The following PACRG variants were observed in gnomAD, a reference collection of about 807,000 sequenced individuals.
PACRG encodes the protein parkin coregulated gene protein.
A neutral mutation model predicts 29.7 loss-of-function variants in PACRG; 29 were observed. The observed-to-expected ratio is 0.98, with a 90% confidence interval of 0.73 to 1.33. The LOEUF (loss-of-function observed/expected upper bound fraction) is 1.33. Ranked by LOEUF, PACRG falls within the 40% of genes most tolerant of loss-of-function variation. The pLI is 0.00. For synonymous variants in PACRG, 116 were observed against 118.7 expected, an observed-to-expected ratio of 0.98 and a Z score of 0.15; for missense variants, 279 against 316.2, an observed-to-expected ratio of 0.88 and a Z score of 0.89.
At chr6:162,829,498 A>C (rs1179740316) in intron 2 of PACRG, among the ~76,000 whole-genome samples, 1 of 152,250 alleles carries the variant, frequency 6.6e-6, no homozygotes, top group Non-Finnish European at 1.5e-5. Context: ...TATTAAGTGC[A>C]GTGAAAATCA....
chr6:163,093,279 A>C (rs1814282656), intron 4 of PACRG, among the ~76,000 whole-genome samples: 1 of 152,238 alleles, frequency 6.6e-6, no homozygotes, highest in African/African-American at 2.4e-5. Flanking sequence ...CATTCTAAAC[A>C]GTGAATTTTG....
At chr6:163,235,953 G>GT (rs1782220762) in intron 4 of PACRG, among the ~76,000 whole-genome samples, 1 of 151,642 alleles carries the variant, frequency 6.6e-6, no homozygotes, top group Non-Finnish European at 1.5e-5. Flanking sequence ...GTTTGTTTTT[G>GT]TTTTTTTAAA....
chr6:163,228,762 T>C (rs955441327), intron 4 of PACRG, among the ~76,000 whole-genome samples: 7 of 152,206 alleles, frequency 4.6e-5, no homozygotes. Context: ...GGAGTGATTC[T>C]CTAGCACAGT....
chr6:162,913,851 G>T (rs547891369), intron 2 of PACRG, among the ~76,000 whole-genome samples: 2 of 152,070 alleles, frequency 1.3e-5, no homozygotes, highest in Non-Finnish European at 2.9e-5. Flanking sequence ...TTCTTTTTAT[G>T]TACTTTTTAG....
chr6:163,100,919 G>A, intron 4 of PACRG: 1 of 984,906 alleles, frequency 1.0e-6, no homozygotes, highest in Non-Finnish European at 1.2e-6. Flanking sequence ...TTGAATTAAT[G>A]TTCCAAGTAA....
chr6:163,298,399 C>A (rs917750645), intron 4 of PACRG, among the ~76,000 whole-genome samples: 1 of 152,146 alleles, frequency 6.6e-6, no homozygotes, highest in Non-Finnish European at 1.5e-5. Context: ...TTCTAACACC[C>A]AATGCTGTGA....
At chr6:163,238,704 T>G (rs1782343287) in intron 4 of PACRG, among the ~76,000 whole-genome samples, 1 of 152,248 alleles carries the variant, frequency 6.6e-6, no homozygotes, top group Admixed American at 6.5e-5. Context: ...TCTTGATTCT[T>G]AGACTTTGAA....
At chr6:163,038,914 G>A (rs1808443302) in intron 2 of PACRG, among the ~76,000 whole-genome samples, 1 of 152,154 alleles carries the variant, frequency 6.6e-6, no homozygotes, top group Non-Finnish European at 1.5e-5. Flanking sequence ...TGTTTCAGGT[G>A]CCTGTTATAC....
chr6:163,196,701 G>A (rs2128364733), intron 4 of PACRG, among the ~76,000 whole-genome samples: 1 of 152,224 alleles, frequency 6.6e-6, no homozygotes, highest in African/African-American at 2.4e-5. Context: ...GAAATAAACA[G>A]ATACATGTGC....
intron 2 of PACRG, among the ~76,000 whole-genome samples, chr6:162,970,265 A>G (rs1196845681): frequency 2.0e-5 from 3 of 152,156 alleles, no homozygotes; most frequent in African/African-American, 7.2e-5. Context: ...TTGAAATGCC[A>G]CGTGGAGCTA....
At chr6:163,111,292 T>C (rs1815700102) in intron 4 of PACRG, among the ~76,000 whole-genome samples, 1 of 152,212 alleles carries the variant, frequency 6.6e-6, no homozygotes, top group Non-Finnish European at 1.5e-5. Context: ...GATCCCCTTG[T>C]AAACGCTGGC....
chr6:162,947,344 TGATTA>T (rs374745722), intron 2 of PACRG, among the ~76,000 whole-genome samples: 37,547 of 68,312 alleles, frequency 0.55, 12,362 homozygotes, highest in Non-Finnish European at 0.66. Context: ...ATATATATAA[TGATTA>T]CATATATATA....
intron 2 of PACRG, among the ~76,000 whole-genome samples, chr6:163,043,348 GAGT>G (rs1808946296): frequency 6.6e-6 from 1 of 152,196 alleles, no homozygotes; most frequent in Admixed American, 6.5e-5. Context: ...TTGAGGTCAG[GAGT>G]TTGAGACCAA....
At chr6:163,033,268 TG>T (rs1807838990) in intron 2 of PACRG, among the ~76,000 whole-genome samples, 1 of 152,232 alleles carries the variant, frequency 6.6e-6, no homozygotes. Context: ...GTATTAGATG[TG>T]GGGCCTAGGA....
intron 4 of PACRG, among the ~76,000 whole-genome samples, chr6:163,176,274 C>G (rs1377542486): frequency 6.6e-6 from 1 of 152,196 alleles, no homozygotes; most frequent in South Asian, 2.1e-4. Context: ...GTTCTCTTTT[C>G]CTGCTCACAG....
At chr6:163,054,908 A>G (rs1194578452) in intron 2 of PACRG, among the ~76,000 whole-genome samples, 3 of 152,160 alleles carry the variant, frequency 2.0e-5, no homozygotes, top group Non-Finnish European at 2.9e-5. Context: ...GCTGTCTCAG[A>G]ACCAGCGAGG....
chr6:162,747,354 A>T (rs1288027307), intron 1 of PACRG, among the ~76,000 whole-genome samples: 4 of 72,306 alleles, frequency 5.5e-5, no homozygotes, highest in African/African-American at 3.5e-4. Context: ...ATATATATAT[A>T]TATATATATA....
chr6:162,909,129 T>G (rs560339810), intron 2 of PACRG, among the ~76,000 whole-genome samples: 2 of 152,176 alleles, frequency 1.3e-5, no homozygotes, highest in Non-Finnish European at 2.9e-5. Context: ...TCTTTGCAAT[T>G]CTAACAAATG....
At chr6:163,140,938 G>C (rs994740639) in intron 4 of PACRG, among the ~76,000 whole-genome samples, 5 of 152,222 alleles carry the variant, frequency 3.3e-5, no homozygotes, top group Admixed American at 6.5e-5. Context: ...CATGATGGGA[G>C]AGACGAATGA....
Sources: gnomAD v4.1 joint callset for allele counts (sites outside exome capture counted in the v4.1 genomes callset) on GRCh38, gnomAD v4.1.1 for gene constraint, MANE v1.5 for transcripts, NCBI Gene and HGNC (gene_info 2026-07-23, HGNC 2026-07-21) for gene names.